MYT1L: variants seen among roughly 807,000 people sequenced by gnomAD.
MYT1L encodes myelin transcription factor 1 like, also known as myelin transcription factor 1-like protein.
MYT1L carries 12 observed loss-of-function variants against 126.7 expected under a neutral mutation model. That is an observed-to-expected ratio of 0.09 (90% CI 0.06 to 0.15). The LOEUF (loss-of-function observed/expected upper bound fraction) is 0.15, where lower values mean the gene tolerates loss of function less well. Ranked by LOEUF, MYT1L falls within the 10% of genes least tolerant of loss-of-function variation. The pLI, the probability that MYT1L is intolerant of heterozygous loss-of-function variation, is 1.00. For missense variants in MYT1L, 979 were observed against 1,585.2 expected (o/e 0.62, Z 6.49); for synonymous variants, 541 against 604.2 (o/e 0.90, Z 1.53).
At position 2,158,618 on chromosome 2, in the gene MYT1L, A is replaced by AACACACACACACACACACAC. The variant is rs74164556; in HGVS notation, c.-304+14234_-304+14253dup. On this transcript the variant is annotated intron_variant, in intron 3 of 24. Coordinates refer to ENST00000647738, the MANE Select transcript of MYT1L (RefSeq NM_001303052.2). Reference sequence around the variant, plus strand: ...CTCCTCTCTCTCCTCCCATGGCATAAACACACACACACACACACACACACA... The same window carrying AACACACACACACACACACAC: ...CTCCTCTCTCTCCTCCCATGGCATAAACACACACACACACACACACACACACACACACACACACACACACA... Among the ~76,000 whole-genome samples, 20 of 144,382 alleles carry AACACACACACACACACACAC rather than the reference A, an allele frequency of 1.4e-4. No individual in the cohort carries two copies. The South Asian group carries it at 4.5e-3, about 32-fold the overall frequency. The allele number at this position is 144,382 out of a possible 152,430, so 94.7% of individuals were successfully genotyped here. A position where few individuals can be genotyped will look rare whatever the true frequency, so the allele number is the denominator to read the frequency against.
intron 23 of MYT1L, among the ~76,000 whole-genome samples, chr2:1,796,446 G>A (rs2033524011): frequency 6.6e-6 from 1 of 152,172 alleles, no homozygotes; most frequent in African/African-American, 2.4e-5. Flanking sequence ...TAGCCCCAGG[G>A]AGAACAGCCA....
At chr2:2,005,517 T>TTCTTTCCTGCATGTGC (rs2063186056) in intron 4 of MYT1L, among the ~76,000 whole-genome samples, 1 of 150,482 alleles carries the variant, frequency 6.6e-6, no homozygotes, top group Non-Finnish European at 1.5e-5. Context: ...CCTGCATGTG[T>TTCTTTCCTGCATGTGC]TCTTTCCTGC....
chr2:2,084,240 T>C (rs1196235552), intron 3 of MYT1L, among the ~76,000 whole-genome samples: 2 of 152,248 alleles, frequency 1.3e-5, no homozygotes, highest in South Asian at 4.1e-4. Flanking sequence ...CATTTTAGTA[T>C]AGACTGAGAG....
intron 3 of MYT1L, among the ~76,000 whole-genome samples, chr2:2,153,197 G>C (rs2086104213): frequency 6.6e-6 from 1 of 152,174 alleles, no homozygotes; most frequent in African/African-American, 2.4e-5. Context: ...TGCTCAGGAA[G>C]CTGAGATGGG....
At chr2:1,882,571 A>G (rs1377183974) in intron 18 of MYT1L, among the ~76,000 whole-genome samples, 1 of 152,236 alleles carries the variant, frequency 6.6e-6, no homozygotes, top group African/African-American at 2.4e-5. Context: ...CTCCTGGTAA[A>G]GAAACCAGAC....
Position 1,797,872 on chromosome 2 carries a change from C to T in MYT1L, c.3276+3824G>A, listed in dbSNP as rs73913411. On this transcript the variant is annotated intron_variant, in intron 23 of 24. Transcript: ENST00000647738. ...CGGCACAGGCGCGGCGGTCTCCCCC[C>T]ATCCGGCACAGGCGCGGCGGTCTCC... is the stretch of plus-strand genomic sequence containing the variant. 1.5e-3 allele frequency among the ~76,000 whole-genome samples: 205 copies of T among 134,466 alleles called. 7 individuals are homozygous for T. The East Asian group carries it at 0.044, about 29-fold the overall frequency. 88.2% of individuals were successfully genotyped at this position (134,466 alleles called of 152,430 possible).
intron 2 of MYT1L, among the ~76,000 whole-genome samples, chr2:2,249,131 C>T (rs1171792296): frequency 1.3e-5 from 2 of 151,778 alleles, no homozygotes; most frequent in East Asian, 3.9e-4. Context: ...AAAGATTACA[C>T]CAAAAAATGA....
chr2:1,843,561 A>C (rs2042113783), intron 19 of MYT1L, among the ~76,000 whole-genome samples: 1 of 151,742 alleles, frequency 6.6e-6, no homozygotes, highest in African/African-American at 2.4e-5. Flanking sequence ...AGTCCTACCC[A>C]GGGAGAGTTA....
At chr2:2,182,772 A>C (rs1032238887) in intron 2 of MYT1L, among the ~76,000 whole-genome samples, 1 of 152,100 alleles carries the variant, frequency 6.6e-6, no homozygotes, top group African/African-American at 2.4e-5. Flanking sequence ...TTCCTACCAA[A>C]CACCACCAAA....
At chr2:1,800,467 G>A (rs1413431280) in intron 23 of MYT1L, among the ~76,000 whole-genome samples, 1 of 152,208 alleles carries the variant, frequency 6.6e-6, no homozygotes, top group Non-Finnish European at 1.5e-5. Flanking sequence ...CCAGGCAGCA[G>A]CCACATGGCC....
chr2:2,148,035 T>C (rs555213246), intron 3 of MYT1L, among the ~76,000 whole-genome samples: 3 of 152,316 alleles, frequency 2.0e-5, no homozygotes, highest in South Asian at 2.1e-4. Flanking sequence ...AGAGGCCGCC[T>C]GAGGAGAGCC....
intron 18 of MYT1L, among the ~76,000 whole-genome samples, chr2:1,858,492 T>C (rs553083816): frequency 1.3e-5 from 2 of 152,370 alleles, no homozygotes; most frequent in Non-Finnish European, 2.9e-5. Flanking sequence ...CAATAGCCTT[T>C]ACTTTGTATT....
intron 5 of MYT1L, among the ~76,000 whole-genome samples, chr2:1,980,927 A>G (rs899999110): frequency 6.6e-6 from 1 of 152,144 alleles, no homozygotes; most frequent in Admixed American, 6.5e-5. Flanking sequence ...CCAAAGCCCC[A>G]TTGAATGGCC....
intron 1 of MYT1L, among the ~76,000 whole-genome samples, chr2:2,297,798 G>A (rs953072148): frequency 9.2e-5 from 14 of 152,230 alleles, no homozygotes; most frequent in Admixed American, 4.6e-4. Flanking sequence ...TTTGGGAGCC[G>A]TCTGAGGAAA....
At chr2:2,038,064 G>A (rs1428380531) in intron 4 of MYT1L, among the ~76,000 whole-genome samples, 1 of 152,120 alleles carries the variant, frequency 6.6e-6, no homozygotes, top group Non-Finnish European at 1.5e-5. Context: ...CCATGCAGAC[G>A]TAGCATGGGT....
At chr2:2,304,802 A>G (rs759860441) in intron 1 of MYT1L, among the ~76,000 whole-genome samples, 3 of 152,326 alleles carry the variant, frequency 2.0e-5, no homozygotes, top group Middle Eastern at 3.4e-3. Context: ...AAATATTTAT[A>G]TGGGTACCCT....
chr2:2,181,676 G>A (rs1008441659), intron 2 of MYT1L, among the ~76,000 whole-genome samples: 4 of 152,164 alleles, frequency 2.6e-5, no homozygotes, highest in African/African-American at 9.7e-5. Flanking sequence ...GCAGTGCCAA[G>A]GACTGGGGGT....
At chr2:1,987,029 C>T (rs536654015) in intron 5 of MYT1L, among the ~76,000 whole-genome samples, 1 of 152,218 alleles carries the variant, frequency 6.6e-6, no homozygotes, top group African/African-American at 2.4e-5. Flanking sequence ...TGTTTCAGCC[C>T]TGAGCATAAA....
Position 1,792,425 on chromosome 2 carries a change from C to T in MYT1L, c.3316G>A (p.Glu1106Lys). ...TTCTGCTGCTCAATCACTTTGTTCT[C>T]CTCTTCGATGGTCTTCAGGTTGCTC... ...MESNLKTIEE[E>K]NKVIEQQNES... The change falls in exon 24 of 25, where the codon GAG (glutamate) becomes AAG (lysine). Residue 1106 changes from glutamate (E) to lysine (K), a missense_variant. By Grantham distance (56) the Glu-to-Lys change is moderately conservative. Transcript: ENST00000647738. 2 of 1,613,796 alleles carry T rather than the reference C, an allele frequency of 1.2e-6. No individual in the cohort carries two copies. The highest frequency in any genetic ancestry group is 1.7e-6 in the Non-Finnish European group (2 of 1,179,816).
Sources: gnomAD v4.1 joint callset for allele counts (sites outside exome capture counted in the v4.1 genomes callset) on GRCh38, gnomAD v4.1.1 for gene constraint, MANE v1.5 for transcripts, NCBI Gene and HGNC (gene_info 2026-07-23, HGNC 2026-07-21) for gene names.